SP100: variants seen among roughly 807,000 people sequenced by gnomAD.
SP100 encodes SP100 nuclear body protein, also known as nuclear autoantigen Sp-100.
In SP100, 84 loss-of-function variants were observed where a neutral mutation model predicts 130.0. The ratio of observed to expected loss-of-function variants is 0.65; its 90% CI spans 0.54 to 0.77. SP100 has a LOEUF of 0.77. SP100 is among the 30% of genes least tolerant of loss of function. The pLI, the probability that SP100 is intolerant of heterozygous loss-of-function variation, is 0.00. For synonymous variants in SP100, 331 were observed against 351.7 expected, an observed-to-expected ratio of 0.94 and a Z score of 0.66; for missense variants, 978 against 1,052.2, an observed-to-expected ratio of 0.93 and a Z score of 0.97.
intron 6 of SP100, 200 bp downstream of exon 6, chr2:230,449,350 A>G (rs1300568099): frequency 2.6e-6 from 2 of 777,752 alleles, no homozygotes; most frequent in Non-Finnish European, 4.6e-6. Context: ...ACACCCCTTA[A>G]TCACACTTGC....
intron 10 of SP100, among the ~76,000 whole-genome samples, chr2:230,463,331 A>C (rs1285412718): frequency 6.6e-6 from 1 of 152,226 alleles, no homozygotes; most frequent in African/African-American, 2.4e-5. Context: ...ATGAGTTGTC[A>C]TAAGATTTAT....
rs1049122886 is a variant in SP100, at chr2:230,545,555, G to T, written c.*2609G>T. On this transcript the variant is annotated 3_prime_UTR_variant, in exon 29 of 29. Coordinates refer to ENST00000340126, the MANE Select transcript of SP100 (RefSeq NM_001080391.2). ...TTCACATATACCCCTGAACCTAAAA[G>T]TTTTTTTAATTGTAAATAAATGGAT... Among the ~76,000 whole-genome samples, 2 of 151,574 alleles carry T rather than the reference G, an allele frequency of 1.3e-5. No individual in the cohort carries two copies. The highest frequency in any genetic ancestry group is 3.9e-4 in the East Asian group (2 of 5,176).
chr2:230,421,225 G>A (rs1425991170), intron 2 of SP100, among the ~76,000 whole-genome samples: 1 of 151,970 alleles, frequency 6.6e-6, no homozygotes, highest in Admixed American at 6.6e-5. Flanking sequence ...CAAGCACTCT[G>A]CAGAATTCTA....
rs766827106 is a variant in SP100 at position 230,449,052 on chromosome 2, G to A, written c.524-36G>A. On this transcript the variant is annotated intron_variant, in intron 5 of 28. Coordinates refer to ENST00000340126, the MANE Select transcript of SP100 (RefSeq NM_001080391.2). ...GGGAGAATGGCAAAATCCATACCTC[G>A]ATTTCTGAAATAAACTTCTAATTTC... 2.1e-5 allele frequency: 28 copies of A among 1,325,084 alleles called. No individual in the cohort carries two copies. In the Middle Eastern group the frequency reaches 5.4e-4, roughly 26 times the overall value. 82.1% of individuals were successfully genotyped at this position (1,325,084 alleles called of 1,614,324 possible). A position where few individuals can be genotyped will look rare whatever the true frequency, so the allele number is the denominator to read the frequency against.
At chr2:230,464,467 T>G (rs1237978862) in intron 11 of SP100, among the ~76,000 whole-genome samples, 1 of 152,242 alleles carries the variant, frequency 6.6e-6, no homozygotes, top group African/African-American at 2.4e-5. Flanking sequence ...GTTGAAATAA[T>G]GTACTTATTC....
At chr2:230,527,598 G>T (rs1691490550) in intron 24 of SP100, among the ~76,000 whole-genome samples, 1 of 152,140 alleles carries the variant, frequency 6.6e-6, no homozygotes, top group Non-Finnish European at 1.5e-5. Flanking sequence ...ATGTGAAAGG[G>T]CTAAATGACC....
chr2:230,464,705 C>T (rs1467691909), intron 11 of SP100, among the ~76,000 whole-genome samples: 1 of 152,196 alleles, frequency 6.6e-6, no homozygotes, highest in Non-Finnish European at 1.5e-5. Context: ...GAAAATGAAC[C>T]TTCATTTCCC....
chr2:230,446,682 G>C (rs1037646432), intron 4 of SP100, 137 bp from the exon 5 acceptor site: 3 of 586,756 alleles, frequency 5.1e-6, no homozygotes, highest in Admixed American at 6.4e-5. Flanking sequence ...AGGGGATGAC[G>C]GGAGAACTTT....
chr2:230,480,179 C>T (rs1276825322), intron 17 of SP100, among the ~76,000 whole-genome samples: 2 of 152,180 alleles, frequency 1.3e-5, no homozygotes, highest in Non-Finnish European at 2.9e-5. Context: ...CCAGCAAGGA[C>T]TTTGTTTTAT....
chr2:230,448,292 TA>T (rs1339364205), intron 5 of SP100, among the ~76,000 whole-genome samples: 8 of 152,094 alleles, frequency 5.3e-5, no homozygotes, highest in African/African-American at 7.2e-5. Flanking sequence ...TGAAAAGGGG[TA>T]AAAGACAACA....
intron 17 of SP100, 88 bp from the exon 18 acceptor site, chr2:230,494,328 T>G (rs948146570): frequency 1.9e-6 from 2 of 1,061,806 alleles, no homozygotes; most frequent in Admixed American, 3.8e-5. Context: ...GAAAACAAAA[T>G]TCAATGCTTG....
At chr2:230,488,031 A>G (rs1369398973) in intron 17 of SP100, among the ~76,000 whole-genome samples, 1 of 152,080 alleles carries the variant, frequency 6.6e-6, no homozygotes, top group Non-Finnish European at 1.5e-5. Flanking sequence ...TTGCACATTG[A>G]TTTTGTATCC....
intron 4 of SP100, 84 bp downstream of exon 4, chr2:230,444,430 A>G (rs1224584704): frequency 9.9e-6 from 11 of 1,114,250 alleles, no homozygotes; most frequent in Admixed American, 6.2e-5. Context: ...CATGAGTGAC[A>G]TGTTGTGTTG....
chr2:230,541,878 C>A lies in SP100; in HGVS notation c.2404-14C>A, dbSNP rs1268399859. The A allele has an allele frequency of 1.2e-6, 2 of 1,610,976 alleles. No individual in the cohort carries two copies. The highest frequency in any genetic ancestry group is 2.2e-5 in the South Asian group (2 of 90,526). On this transcript the variant is annotated splice_polypyrimidine_tract_variant and intron_variant, in intron 27 of 28. Transcript: ENST00000340126. ...ACTGGGCTGATAGCCTCATTTTGGT[C>A]TTTTACTCAACAGAACAGAGAGGGG...
At chr2:230,525,536 C>G (rs911202594) in intron 24 of SP100, among the ~76,000 whole-genome samples, 1 of 152,028 alleles carries the variant, frequency 6.6e-6, no homozygotes, top group Non-Finnish European at 1.5e-5. Flanking sequence ...AACAGAGGTA[C>G]CTGGTTCATC....
chr2:230,460,475 C>G (rs961907191), intron 8 of SP100, among the ~76,000 whole-genome samples: 1 of 151,800 alleles, frequency 6.6e-6, no homozygotes, highest in Non-Finnish European at 1.5e-5. Flanking sequence ...AATTACACAA[C>G]AAGCAAAATT....
At position 230,466,299 on chromosome 2, in the gene SP100, A is replaced by T; in HGVS notation, c.1142-2A>T. 6.4e-7 allele frequency: 1 copy of T among 1,566,558 alleles called. No individual in the cohort carries two copies. Among genetic ancestry groups the T allele is most frequent in the East Asian group, 2.2e-5 (1 of 44,578 alleles). ...AACGGGTTTCTCCCTTTTACTTTAC[A>T]GAGCCCATGGATTTCAGAAAATTAT... On this transcript the variant is annotated splice_acceptor_variant, in intron 11 of 28. Transcript: ENST00000340126. LOFTEE classifies it high-confidence loss of function.
chr2:230,484,573 C>A (rs1050942704), intron 17 of SP100, among the ~76,000 whole-genome samples: 1 of 152,168 alleles, frequency 6.6e-6, no homozygotes, highest in African/African-American at 2.4e-5. Context: ...GGAACTTTTA[C>A]ATTTATTTCC....
chr2:230,418,383 TCA>T (rs1559477222), intron 2 of SP100, among the ~76,000 whole-genome samples: 1 of 152,186 alleles, frequency 6.6e-6, no homozygotes, highest in Non-Finnish European at 1.5e-5. Context: ...CATTCAGTCT[TCA>T]CAGTCTTGCT....
Sources: allele counts gnomAD v4.1 joint callset (sites outside exome capture counted in the v4.1 genomes callset), GRCh38; gene constraint gnomAD v4.1.1; transcripts MANE v1.5; gene names NCBI Gene and HGNC (gene_info 2026-07-23, HGNC 2026-07-21).